The following ATP2C2 variants were observed in gnomAD, a reference collection of about 807,000 sequenced individuals.
ATP2C2 encodes the protein calcium-transporting ATPase type 2C member 2.
In ATP2C2, 171 loss-of-function variants were observed where a neutral mutation model predicts 110.8. That is an observed-to-expected ratio of 1.54 (90% CI 1.36 to 1.75). The LOEUF is 1.75. ATP2C2 is among the 40% of genes most tolerant of loss of function. The pLI is 0.00. For missense variants in ATP2C2, 1,963 were observed against 1,235.0 expected (o/e 1.59, Z -8.84); for synonymous variants, 804 against 508.4 (o/e 1.58, Z -7.82).
At position 84,422,811 on chromosome 16, in the gene ATP2C2, G is replaced by C; in HGVS notation, c.843+114G>C. 5 of 1,137,136 alleles carry C rather than the reference G, an allele frequency of 4.4e-6. No homozygotes were observed. The South Asian group carries it at 8.3e-5, about 19-fold the overall frequency. The allele number at this position is 1,137,136 out of a possible 1,614,324, so 70.4% of individuals were successfully genotyped here. ...GGAATGAGTGGCATGTGGTTCATAT[G>C]AGTATACTTTTTAAACATTTAATTT... On this transcript the variant is annotated intron_variant, in intron 9 of 26. Coordinates refer to ENST00000262429, the MANE Select transcript of ATP2C2 (RefSeq NM_014861.4).
In ATP2C2 at chr16:84,422,703, G is replaced by A; in HGVS notation, c.843+6G>A. On this transcript the variant is annotated splice_donor_region_variant and intron_variant, in intron 9 of 26. Coordinates refer to ENST00000262429, the MANE Select transcript of ATP2C2 (RefSeq NM_014861.4). ...AGATGATGCAGGCTGAAGAGGTAAG[G>A]GGCAGGAGGGGGCTTCGGGACTTTT... 1 of 1,601,598 alleles carries A rather than the reference G, an allele frequency of 6.2e-7. No individual in the cohort carries two copies. Among genetic ancestry groups the A allele is most frequent in the Non-Finnish European group, 8.5e-7 (1 of 1,175,838 alleles).
chr16:84,463,543 G>T, intron 26 of ATP2C2, 71 bp from the exon 27 acceptor site: 2 of 1,309,028 alleles, frequency 1.5e-6, no homozygotes. Context: ...GGACTGGCAG[G>T]GAAGGCGCTT....
chr16:84,415,448 A>C (rs745923433), intron 6 of ATP2C2, 35 bp from the exon 7 acceptor site: 12 of 1,560,832 alleles, frequency 7.7e-6, no homozygotes, highest in Admixed American at 6.7e-5. Context: ...AAATGTCAGC[A>C]TGGATGCTTT....
chr16:84,410,312 A>C (rs1211377073), intron 4 of ATP2C2, among the ~76,000 whole-genome samples: 1 of 152,166 alleles, frequency 6.6e-6, no homozygotes, highest in African/African-American at 2.4e-5. Context: ...CCAGATTATA[A>C]GATGCGGTGC....
chr16:84,461,157 T>A (rs970982214), intron 24 of ATP2C2: 3 of 276,884 alleles, frequency 1.1e-5, no homozygotes, highest in Non-Finnish European at 2.0e-5. Context: ...ACTCTAGAGG[T>A]GATTGTTTGC....
chr16:84,417,133 C>T (rs947791368), intron 7 of ATP2C2, among the ~76,000 whole-genome samples: 5 of 152,190 alleles, frequency 3.3e-5, no homozygotes, highest in Non-Finnish European at 5.9e-5. Flanking sequence ...TCAGTTTTCT[C>T]ATCTGCAAAA....
chr16:84,397,655 C>CAAGAAAAAAAAA (rs1905070298), intron 1 of ATP2C2, among the ~76,000 whole-genome samples: 1 of 63,512 alleles, frequency 1.6e-5, no homozygotes, highest in Non-Finnish European at 3.5e-5. Context: ...GCCTGGGTGA[C>CAAGAAAAAAAAA]AAAAAAAAAA....
chr16:84,461,927 C>T (rs929477422), intron 25 of ATP2C2, 61 bp from the exon 26 acceptor site: 11 of 1,608,074 alleles, frequency 6.8e-6, no homozygotes, highest in East Asian at 2.2e-5. Flanking sequence ...AGTCAGAGCT[C>T]CCCTGCCTGT....
At chr16:84,371,132 A>AGACAGAG (rs1909929697) in intron 1 of ATP2C2, among the ~76,000 whole-genome samples, 1 of 152,236 alleles carries the variant, frequency 6.6e-6, no homozygotes, top group South Asian at 2.1e-4. Flanking sequence ...GTAGAGGACC[A>AGACAGAG]GACAGAGGAC....
Position 84,448,596 on chromosome 16 carries a change from TACA to T in ATP2C2, c.1573_1575del (p.Asn525del). Reference sequence around the variant, plus strand: ...AGAGGTGATCCGCTACTGCACCATGTACAACAACGGGGGCATCCCCCTGCCGCT... The same window carrying T: ...AGAGGTGATCCGCTACTGCACCATGTACAACGGGGGCATCCCCCTGCCGCT... On this transcript the variant is annotated inframe_deletion, in exon 17 of 27. Transcript: ENST00000262429. 6.2e-7 allele frequency: 1 copy of T among 1,614,086 alleles called. No individual in the cohort carries two copies. Among genetic ancestry groups the T allele is most frequent in the Non-Finnish European group, 8.5e-7 (1 of 1,179,980 alleles).
At chr16:84,463,494 G>A (rs554811778) in intron 26 of ATP2C2, 120 bp from the exon 27 acceptor site, 6 of 819,690 alleles carry the variant, frequency 7.3e-6, no homozygotes, top group African/African-American at 6.8e-5. Context: ...TCAGGGGAAT[G>A]AAAAGGGCTG....
At chr16:84,406,491 A>G (rs1905778297) in intron 3 of ATP2C2, 3 of 693,078 alleles carry the variant, frequency 4.3e-6, no homozygotes, top group Non-Finnish European at 3.5e-6. Flanking sequence ...CTGTGTTTAC[A>G]GCTTCCTCCA....
Position 84,448,614 on chromosome 16 carries a change from C to T in ATP2C2, c.1585C>T (p.Pro529Ser). ...YCTMYNNGGI[P>S]LPLTPQQRSF... is the part of the protein sequence containing the mutation. ...CACCATGTACAACAACGGGGGCATC[C>T]CCCTGCCGCTGACGCCCCAGCAGAG... is the stretch of plus-strand genomic sequence containing the variant. The change falls in exon 17 of 27, where the codon CCC becomes TCC. Residue 529 changes from proline to serine, a missense_variant. Pro to Ser is a moderately conservative substitution (Grantham distance 74). Transcript: ENST00000262429. 6.2e-7 allele frequency: 1 copy of T among 1,614,102 alleles called. No homozygotes were observed. Among genetic ancestry groups the T allele is most frequent in the Non-Finnish European group, 8.5e-7 (1 of 1,179,988 alleles).
intron 10 of ATP2C2, among the ~76,000 whole-genome samples, chr16:84,424,153 T>C (rs1394408058): frequency 1.3e-5 from 2 of 152,092 alleles, no homozygotes; most frequent in African/African-American, 4.8e-5. Flanking sequence ...TGCTGGTGAG[T>C]GTAGCCAAAA....
intron 23 of ATP2C2, chr16:84,460,389 T>C (rs1396807817): frequency 3.7e-6 from 2 of 538,520 alleles, no homozygotes; most frequent in East Asian, 6.7e-5. Context: ...TCTGGGTGTA[T>C]GGAACTGTGT....
intron 1 of ATP2C2, among the ~76,000 whole-genome samples, chr16:84,389,167 A>G (rs1213883201): frequency 6.6e-6 from 1 of 152,082 alleles, no homozygotes; most frequent in Non-Finnish European, 1.5e-5. Flanking sequence ...GCTTTCCACA[A>G]CCTAAGGCAT....
Position 84,459,323 on chromosome 16 carries a change from G to A in ATP2C2, c.2270G>A (p.Ser757Asn). The A allele has an allele frequency of 6.2e-7, 1 of 1,614,190 alleles. No individual in the cohort carries two copies. Among genetic ancestry groups the A allele is most frequent in the Non-Finnish European group, 8.5e-7 (1 of 1,180,036 alleles). ...CTGTCCACCGTGTTCAACCTGCCCA[G>A]CCCCCTCAACGCCATGCAGATCCTA... ...ITLSTVFNLP[S>N]PLNAMQILWI... is the part of the protein sequence containing the mutation. The change falls in exon 23 of 27, where the codon AGC becomes AAC. Residue 757 changes from serine to asparagine, a missense_variant. Physicochemically the swap from Ser to Asn is conservative, Grantham distance 46. Coordinates refer to ENST00000262429, the MANE Select transcript of ATP2C2 (RefSeq NM_014861.4).
chr16:84,400,788 T>C (rs1266518572), intron 2 of ATP2C2, among the ~76,000 whole-genome samples: 2 of 152,212 alleles, frequency 1.3e-5, no homozygotes, highest in African/African-American at 4.8e-5. Context: ...TGATACCTCA[T>C]TGTAGTTTTG....
intron 21 of ATP2C2, 92 bp downstream of exon 21, chr16:84,455,076 G>GT (rs1555568541): frequency 6.7e-7 from 1 of 1,501,980 alleles, no homozygotes; most frequent in Non-Finnish European, 9.1e-7. Flanking sequence ...ATAGAGGGGG[G>GT]GGTCTCGCGG....
Sources: allele counts gnomAD v4.1 joint callset (sites outside exome capture counted in the v4.1 genomes callset), GRCh38; gene constraint gnomAD v4.1.1; transcripts MANE v1.5; gene names NCBI Gene and HGNC (gene_info 2026-07-23, HGNC 2026-07-21).